The following MTMR7 variants were observed in gnomAD, a reference collection of about 807,000 sequenced individuals.
MTMR7 encodes myotubularin related protein 7.
In MTMR7, 76 loss-of-function variants were observed where a neutral mutation model predicts 81.2. That is an observed-to-expected ratio of 0.94 (90% CI 0.78 to 1.13). The LOEUF is 1.13. MTMR7 is among the 50% of genes most tolerant of loss of function. MTMR7 has a pLI of 0.00. For missense variants in MTMR7, 1,044 were observed against 820.0 expected (o/e 1.27, Z -3.34); for synonymous variants, 372 against 289.8 (o/e 1.28, Z -2.88).
At chr8:17,347,938 G>GTGA (rs1424060356) in intron 5 of MTMR7, among the ~76,000 whole-genome samples, 2 of 152,184 alleles carry the variant, frequency 1.3e-5, no homozygotes, top group African/African-American at 2.4e-5. Flanking sequence ...CTGTACTGAA[G>GTGA]TGACCTCTTG....
At chr8:17,392,659 G>A (rs1002390721) in intron 1 of MTMR7, among the ~76,000 whole-genome samples, 1 of 152,186 alleles carries the variant, frequency 6.6e-6, no homozygotes, top group Non-Finnish European at 1.5e-5. Flanking sequence ...TGTGTTTGAC[G>A]AGATCAATGT....
At chr8:17,384,365 C>T (rs1820862706) in intron 1 of MTMR7, among the ~76,000 whole-genome samples, 1 of 152,198 alleles carries the variant, frequency 6.6e-6, no homozygotes, top group African/African-American at 2.4e-5. Flanking sequence ...CAGACATGAT[C>T]GTGCCACTGC....
rs548629780 is a variant in MTMR7 at position 17,341,597 on chromosome 8, A to C, written c.598-100T>G. 4.3e-6 allele frequency: 6 copies of C among 1,398,484 alleles called. No individual in the cohort carries two copies. In the East Asian group the frequency reaches 1.4e-4, roughly 33 times the overall value. The allele number at this position is 1,398,484 out of a possible 1,614,324, so 86.6% of individuals were successfully genotyped here. On this transcript the variant is annotated intron_variant, in intron 5 of 13. Coordinates refer to ENST00000180173, the MANE Select transcript of MTMR7 (RefSeq NM_004686.5). ...AGAACAAAGAGCCCTTGGCTCACTGATAGTCCACCTCGGCTTATGAAAACG... is the reference window on the plus strand; with the variant it reads ...AGAACAAAGAGCCCTTGGCTCACTGCTAGTCCACCTCGGCTTATGAAAACG...
At chr8:17,313,529 A>G in intron 7 of MTMR7, 128 bp from the exon 8 acceptor site, 1 of 579,362 alleles carries the variant, frequency 1.7e-6, no homozygotes, top group South Asian at 2.9e-5. Context: ...GCAAGCCTTA[A>G]GTCAAAATAA....
chr8:17,398,673 A>G (rs1435717182), intron 1 of MTMR7, among the ~76,000 whole-genome samples: 2 of 152,212 alleles, frequency 1.3e-5, no homozygotes, highest in South Asian at 2.1e-4. Flanking sequence ...CCCAACCTAA[A>G]GAACTATGGT....
At chr8:17,335,691 C>T (rs568882280) in intron 6 of MTMR7, among the ~76,000 whole-genome samples, 1 of 152,344 alleles carries the variant, frequency 6.6e-6, no homozygotes, top group South Asian at 2.1e-4. Flanking sequence ...GTGGTGCAGA[C>T]ACAAACATGT....
At chr8:17,350,082 G>C (rs1423702817) in intron 4 of MTMR7, among the ~76,000 whole-genome samples, 1 of 152,190 alleles carries the variant, frequency 6.6e-6, no homozygotes, top group Non-Finnish European at 1.5e-5. Context: ...TGAGGCTACT[G>C]TTGCTCAACA....
intron 1 of MTMR7, among the ~76,000 whole-genome samples, chr8:17,389,084 C>G (rs1323745280): frequency 6.6e-6 from 1 of 152,122 alleles, no homozygotes; most frequent in South Asian, 2.1e-4. Flanking sequence ...CTGAGGTCAC[C>G]AAGAACAGTA....
chr8:17,315,940 G>A (rs1398989000), intron 7 of MTMR7, among the ~76,000 whole-genome samples: 1 of 152,202 alleles, frequency 6.6e-6, no homozygotes, highest in South Asian at 2.1e-4. Flanking sequence ...TTCAACCCAG[G>A]AGTTTGAGGC....
chr8:17,363,562 G>A (rs1820121816), intron 3 of MTMR7, among the ~76,000 whole-genome samples: 1 of 152,160 alleles, frequency 6.6e-6, no homozygotes, highest in African/African-American at 2.4e-5. Flanking sequence ...TGAACTAGGA[G>A]ACCTTAGGAT....
intron 4 of MTMR7, among the ~76,000 whole-genome samples, chr8:17,349,759 G>A (rs1211014682): frequency 6.6e-6 from 1 of 152,134 alleles, no homozygotes; most frequent in Non-Finnish European, 1.5e-5. Flanking sequence ...GTTGATAAGT[G>A]GTAAGGATCG....
intron 1 of MTMR7, among the ~76,000 whole-genome samples, chr8:17,390,350 T>C (rs1240217621): frequency 1.3e-5 from 2 of 151,816 alleles, no homozygotes; most frequent in South Asian, 2.1e-4. Context: ...CAACCAGATC[T>C]CAAAAGAACT....
intron 10 of MTMR7, among the ~76,000 whole-genome samples, chr8:17,306,678 G>A (rs1262556116): frequency 6.6e-6 from 1 of 152,134 alleles, no homozygotes; most frequent in African/African-American, 2.4e-5. Flanking sequence ...AGAACCCCGT[G>A]TTAGTAAGAG....
rs768693871 is a variant in MTMR7, at chr8:17,371,013, A to G, written c.310+24T>C. On this transcript the variant is annotated intron_variant, in intron 3 of 13. Coordinates refer to ENST00000180173, the MANE Select transcript of MTMR7 (RefSeq NM_004686.5). Reference sequence around the variant, plus strand: ...AAATTTTTAAGAGAGGTTCCATATTAAATGCCGAGTTCCTCTGCCCTACCT... The same window carrying G: ...AAATTTTTAAGAGAGGTTCCATATTGAATGCCGAGTTCCTCTGCCCTACCT... The G allele has an allele frequency of 7.5e-6, 12 of 1,600,108 alleles. No individual in the cohort carries two copies. In the Admixed American group the frequency reaches 2.1e-4, roughly 28 times the overall value.
intron 7 of MTMR7, among the ~76,000 whole-genome samples, chr8:17,319,072 G>T (rs927889047): frequency 4.6e-5 from 7 of 152,156 alleles, no homozygotes; most frequent in African/African-American, 1.7e-4. Context: ...TTAGATTTTA[G>T]TATTATGTGA....
intron 1 of MTMR7, among the ~76,000 whole-genome samples, chr8:17,397,941 A>T (rs548436783): frequency 3.0e-4 from 45 of 152,264 alleles, no homozygotes; most frequent in African/African-American, 1.1e-3. Flanking sequence ...TAATCCAAAT[A>T]ATTCTTCAGG....
At chr8:17,336,362 G>T (rs887500448) in intron 6 of MTMR7, among the ~76,000 whole-genome samples, 24 of 151,972 alleles carry the variant, frequency 1.6e-4, no homozygotes, top group Non-Finnish European at 2.9e-4. Flanking sequence ...TCCTTGCCCT[G>T]CCAAAAGGAG....
At chr8:17,379,071 C>A (rs1357062724) in intron 1 of MTMR7, among the ~76,000 whole-genome samples, 2 of 152,082 alleles carry the variant, frequency 1.3e-5, no homozygotes, top group African/African-American at 4.8e-5. Context: ...GGAGATTCTG[C>A]TATCAAGAGG....
At chr8:17,356,532 C>CTAA in intron 4 of MTMR7, among the ~76,000 whole-genome samples, 1 of 151,944 alleles carries the variant, frequency 6.6e-6, no homozygotes, top group Admixed American at 6.6e-5. Context: ...AATACCATCT[C>CTAA]TACTACTACT....
Sources: allele counts gnomAD v4.1 joint callset (sites outside exome capture counted in the v4.1 genomes callset), GRCh38; gene constraint gnomAD v4.1.1; transcripts MANE v1.5; gene names NCBI Gene and HGNC (gene_info 2026-07-23, HGNC 2026-07-21).